Variants in CTXND1 observed in about 807,000 individuals in gnomAD.
CTXND1 encodes cortexin domain-containing 1 protein.
intron 1 of CTXND1, among the ~76,000 whole-genome samples, chr15:80,223,154 C>T (rs1893335388): frequency 6.6e-6 from 1 of 152,186 alleles, no homozygotes; most frequent in South Asian, 2.1e-4. Flanking sequence ...TCTCGGCCCA[C>T]CTCAACCTCC....
chr15:80,219,040 AC>A (rs60255745), intron 1 of CTXND1, among the ~76,000 whole-genome samples: 150,299 of 150,302 alleles, frequency 1, 75,148 homozygotes, highest in Middle Eastern at 1. Flanking sequence ...CAAGGGACCC[AC>A]CCCACTCAGT....
chr15:80,231,814 A>G (rs977096593), intron 1 of CTXND1, among the ~76,000 whole-genome samples: 4 of 152,228 alleles, frequency 2.6e-5, no homozygotes, highest in Non-Finnish European at 5.9e-5. Flanking sequence ...ACAAAAAGAG[A>G]AAAGTCTGTC....
At chr15:80,238,025 A>AAAC (rs1893521802) in intron 1 of CTXND1, among the ~76,000 whole-genome samples, 1 of 151,760 alleles carries the variant, frequency 6.6e-6, no homozygotes, top group Non-Finnish European at 1.5e-5. Flanking sequence ...AAAAAAAAAA[A>AAAC]AAAAATTAAA....
At chr15:80,245,268 T>A (rs1338830101) in intron 1 of CTXND1, among the ~76,000 whole-genome samples, 2 of 152,186 alleles carry the variant, frequency 1.3e-5, no homozygotes, top group Non-Finnish European at 1.5e-5. Flanking sequence ...CCAACCAGCC[T>A]CACCAGGCAC....
At chr15:80,207,714 T>C (rs1893164978) in intron 1 of CTXND1, among the ~76,000 whole-genome samples, 1 of 152,244 alleles carries the variant, frequency 6.6e-6, no homozygotes, top group African/African-American at 2.4e-5. Context: ...TAAGCAACTA[T>C]TGTGAAGCAG....
intron 1 of CTXND1, among the ~76,000 whole-genome samples, chr15:80,241,669 C>G (rs530959883): frequency 3.9e-5 from 6 of 152,194 alleles, no homozygotes; most frequent in Non-Finnish European, 8.8e-5. Flanking sequence ...CACCCTCCCC[C>G]ACAGAGCTGA....
intron 1 of CTXND1, among the ~76,000 whole-genome samples, chr15:80,237,876 GCATGCAT>G (rs1175281106): frequency 2.6e-5 from 4 of 151,860 alleles, no homozygotes; most frequent in Non-Finnish European, 5.9e-5. Context: ...GGATGTGGTG[GCATGCAT>G]CTATAATCCC....
At position 80,197,210 on chromosome 15, in the gene CTXND1, C is replaced by A. The variant is rs2041424752; in HGVS notation, c.*4560G>T. ...TAGCTGGGACTATAGGTGTGCAACA[C>A]CACAGCCAGGTAATTTTTTTTTAAT... On this transcript the variant is annotated 3_prime_UTR_variant, in exon 3 of 3. Coordinates refer to ENST00000560778, the MANE Select transcript of CTXND1 (RefSeq NM_001352888.2). 2.0e-5 allele frequency: 3 copies of A among 152,266 alleles called. 1 individual carries two copies. Among genetic ancestry groups the A allele is most frequent in the African/African-American group, 4.8e-5 (2 of 41,528 alleles). The allele number at this position is 152,266 out of a possible 1,614,324, so 9.4% of individuals were successfully genotyped here. A position where few individuals can be genotyped will look rare whatever the true frequency, so the allele number is the denominator to read the frequency against.
intron 1 of CTXND1, among the ~76,000 whole-genome samples, chr15:80,204,273 A>G (rs1893123874): frequency 6.7e-6 from 1 of 150,006 alleles, no homozygotes; most frequent in South Asian, 2.1e-4. Context: ...CATACACATA[A>G]TATAAAATCT....
intron 1 of CTXND1, among the ~76,000 whole-genome samples, chr15:80,207,661 G>T (rs571257789): frequency 2.0e-5 from 3 of 152,282 alleles, no homozygotes; most frequent in East Asian, 3.9e-4. Flanking sequence ...GTAGCTCAGG[G>T]TGATGTTATT....
intron 1 of CTXND1, among the ~76,000 whole-genome samples, chr15:80,232,865 C>G (rs1232148490): frequency 1.3e-5 from 2 of 151,962 alleles, no homozygotes; most frequent in Non-Finnish European, 2.9e-5. Flanking sequence ...AATTCAGGTC[C>G]TGGGCATAAT....
At chr15:80,215,561 A>G (rs1176193595) in intron 1 of CTXND1, among the ~76,000 whole-genome samples, 1 of 152,054 alleles carries the variant, frequency 6.6e-6, no homozygotes, top group Non-Finnish European at 1.5e-5. Context: ...TGGTCCTTCA[A>G]GGTGTGGGAA....
Position 80,222,191 on chromosome 15 carries a change from AG to A in CTXND1, c.-217-18452del, listed in dbSNP as rs546713142. Among the ~76,000 whole-genome samples the A allele has an allele frequency of 5.9e-5, 9 of 152,240 alleles. No homozygotes were observed. In the South Asian group the frequency reaches 1.9e-3, roughly 32 times the overall value. ...TTTTAAGGTTTATATTCTTTTTGTAAGGGAAAATTTGAATTTAAAATTTTAT... is the reference window on the plus strand; with the variant it reads ...TTTTAAGGTTTATATTCTTTTTGTAAGGAAAATTTGAATTTAAAATTTTAT... On this transcript the variant is annotated intron_variant, in intron 1 of 2. Transcript: ENST00000560778.
intron 1 of CTXND1, among the ~76,000 whole-genome samples, chr15:80,213,325 G>T (rs922794560): frequency 6.6e-6 from 1 of 152,212 alleles, no homozygotes; most frequent in African/African-American, 2.4e-5. Context: ...AGTGGCCAAT[G>T]GTAGGTTGAA....
chr15:80,232,577 T>C (rs1307973261), intron 1 of CTXND1, among the ~76,000 whole-genome samples: 1 of 152,200 alleles, frequency 6.6e-6, no homozygotes. Flanking sequence ...CAAACGCTCT[T>C]GCTCAAGGTG....
At chr15:80,223,791 C>A (rs1176575325) in intron 1 of CTXND1, among the ~76,000 whole-genome samples, 1 of 143,610 alleles carries the variant, frequency 7.0e-6, no homozygotes, top group Non-Finnish European at 1.5e-5. Context: ...GAAATTAGAA[C>A]CTTTTAATAT....
At chr15:80,251,191 G>T (rs986494253) in intron 1 of CTXND1, among the ~76,000 whole-genome samples, 2 of 152,206 alleles carry the variant, frequency 1.3e-5, no homozygotes, top group Non-Finnish European at 2.9e-5. Flanking sequence ...GTGAGGCGGT[G>T]CATCAGCTTG....
chr15:80,233,218 C>G (rs1197799961), intron 1 of CTXND1, among the ~76,000 whole-genome samples: 1 of 152,132 alleles, frequency 6.6e-6, no homozygotes, highest in African/African-American at 2.4e-5. Context: ...GGATTACAGG[C>G]GTGAGGCACT....
chr15:80,233,735 G>C (rs1322995851), intron 1 of CTXND1, among the ~76,000 whole-genome samples: 1 of 152,214 alleles, frequency 6.6e-6, no homozygotes, highest in Non-Finnish European at 1.5e-5. Context: ...ACCTGCAAGC[G>C]ACTGACTTTG....
Sources: allele counts gnomAD v4.1 joint callset (sites outside exome capture counted in the v4.1 genomes callset), GRCh38; gene constraint gnomAD v4.1.1; transcripts MANE v1.5; gene names NCBI Gene and HGNC (gene_info 2026-07-23, HGNC 2026-07-21).